The following KMT2C variants were observed in gnomAD, a reference collection of about 807,000 sequenced individuals.
The protein encoded by KMT2C is histone-lysine N-methyltransferase 2C.
Under a neutral mutation model 507.9 loss-of-function variants are expected in KMT2C, and 88 were observed. The observed-to-expected ratio is 0.17, with a 90% CI of 0.15 to 0.21. KMT2C has a LOEUF of 0.21. Ranked by LOEUF, KMT2C falls within the 10% of genes least tolerant of loss-of-function variation. The pLI is 1.00. For missense variants in KMT2C, 4,954 were observed against 5,957.8 expected, an observed-to-expected ratio of 0.83 and a Z score of 5.55; for synonymous variants, 2,049 against 2,080.8, an observed-to-expected ratio of 0.98 and a Z score of 0.42.
At chr7:152,367,275 C>T (rs2097255181) in intron 1 of KMT2C, 11 of 1,264,224 alleles carry the variant, frequency 8.7e-6, no homozygotes, top group Non-Finnish European at 1.2e-5. Flanking sequence ...ACATTCAAAG[C>T]AGCTGCCAAC....
At position 152,215,578 on chromosome 7, in the gene KMT2C, G is replaced by C. The variant is rs199730455; in HGVS notation, c.3712+4945C>G. Among the ~76,000 whole-genome samples the C allele has an allele frequency of 3.4e-4, 43 of 127,972 alleles. No individual in the cohort carries two copies. In the East Asian group the frequency reaches 9.3e-3, roughly 28 times the overall value. 84.0% of individuals were successfully genotyped at this position (127,972 alleles called of 152,430 possible). A position where few individuals can be genotyped will look rare whatever the true frequency, so the allele number is the denominator to read the frequency against. On this transcript the variant is annotated intron_variant, in intron 23 of 58. Coordinates refer to ENST00000262189, the MANE Select transcript of KMT2C (RefSeq NM_170606.3). ...CCCAAAGGTCTATCAACAGGGGAAAGAACAGGTAAGTTAAATTGCTTATAT... is the reference window on the plus strand; with the variant it reads ...CCCAAAGGTCTATCAACAGGGGAAACAACAGGTAAGTTAAATTGCTTATAT...
At chr7:152,276,892 A>G (rs1038572475) in intron 6 of KMT2C, among the ~76,000 whole-genome samples, 1 of 152,214 alleles carries the variant, frequency 6.6e-6, no homozygotes, top group African/African-American at 2.4e-5. Flanking sequence ...AGAAAAGGAA[A>G]AAAGTAACAT....
intron 2 of KMT2C, among the ~76,000 whole-genome samples, chr7:152,332,446 TTC>T (rs1248181957): frequency 1.3e-5 from 2 of 152,190 alleles, no homozygotes; most frequent in South Asian, 2.1e-4. Flanking sequence ...CAAGCGCCTC[TTC>T]TCTGTCTTTC....
Position 152,139,811 on chromosome 7 carries a change from T to C in KMT2C, c.14344-20A>G. 6.5e-7 allele frequency: 1 copy of C among 1,532,010 alleles called. No individual in the cohort carries two copies. The highest frequency in any genetic ancestry group is 9.0e-7 in the Non-Finnish European group (1 of 1,108,242). 94.9% of individuals were successfully genotyped at this position (1,532,010 alleles called of 1,614,324 possible). On this transcript the variant is annotated intron_variant, in intron 55 of 58. Transcript: ENST00000262189. ...CAGCCCCTAAAAAAAAGTGTGTACA[T>C]ACTTCCAATTTATGTGACAACAAGT...
intron 42 of KMT2C, among the ~76,000 whole-genome samples, chr7:152,166,092 C>A (rs1219642365): frequency 6.6e-6 from 1 of 151,120 alleles, no homozygotes; most frequent in Non-Finnish European, 1.5e-5. Flanking sequence ...AATGGAAGTG[C>A]TTCCTACAGT....
intron 55 of KMT2C, among the ~76,000 whole-genome samples, chr7:152,140,130 A>G (rs796294490): frequency 3.9e-5 from 6 of 152,328 alleles, no homozygotes; most frequent in African/African-American, 1.4e-4. Context: ...AAGCTTATTG[A>G]CTTGTGGTGT....
chr7:152,273,255 C>A (rs2096010898), intron 7 of KMT2C, among the ~76,000 whole-genome samples: 1 of 152,110 alleles, frequency 6.6e-6, no homozygotes, highest in African/African-American at 2.4e-5. Flanking sequence ...ATCAGGGAAA[C>A]ACAATTTCTA....
chr7:152,355,898 G>C (rs1589406342), intron 2 of KMT2C, among the ~76,000 whole-genome samples: 2 of 152,120 alleles, frequency 1.3e-5, no homozygotes, highest in Middle Eastern at 3.2e-3. Context: ...GAGGCTATTT[G>C]TGTTGAAAGG....
intron 4 of KMT2C, among the ~76,000 whole-genome samples, chr7:152,312,883 A>G (rs1482899184): frequency 6.6e-6 from 1 of 152,138 alleles, no homozygotes; most frequent in Non-Finnish European, 1.5e-5. Context: ...ATAGATCATA[A>G]CTCACTGCAC....
intron 3 of KMT2C, 134 bp from the exon 4 acceptor site, chr7:152,315,472 A>G (rs749236987): frequency 4.8e-6 from 3 of 625,634 alleles, no homozygotes; most frequent in South Asian, 2.1e-5. Flanking sequence ...TATTTTCTAC[A>G]GTCTATTCAG....
At chr7:152,434,946 C>A (rs987354557) in intron 1 of KMT2C, among the ~76,000 whole-genome samples, 23 of 152,092 alleles carry the variant, frequency 1.5e-4, no homozygotes, top group Non-Finnish European at 3.1e-4. Flanking sequence ...TTAGGCAGGC[C>A]GTTCCCCGAA....
intron 3 of KMT2C, among the ~76,000 whole-genome samples, chr7:152,324,294 G>A (rs1029985979): frequency 2.0e-5 from 3 of 147,136 alleles, no homozygotes; most frequent in South Asian, 2.4e-4. Context: ...GGCAAAAACC[G>A]CAATCACTTT....
At chr7:152,425,742 A>C (rs913091639) in intron 1 of KMT2C, among the ~76,000 whole-genome samples, 2 of 152,138 alleles carry the variant, frequency 1.3e-5, no homozygotes, top group Non-Finnish European at 2.9e-5. Context: ...AAGATCAGGA[A>C]ATCAAGGAAA....
rs2129089789 is a variant in KMT2C, at chr7:152,139,662, A to T, written c.14460+13T>A. ...TGGTGCTGTGTATACAATCTCGGGG[A>T]CCAGACACCTACCTGAGACTCATAA... On this transcript the variant is annotated intron_variant, in intron 56 of 58. Transcript: ENST00000262189. The T allele has an allele frequency of 6.4e-7, 1 of 1,553,544 alleles. No individual in the cohort carries two copies. Among genetic ancestry groups the T allele is most frequent in the South Asian group, 1.1e-5 (1 of 89,948 alleles).
At chr7:152,259,679 AG>A (rs1354772270) in intron 9 of KMT2C, among the ~76,000 whole-genome samples, 2 of 152,222 alleles carry the variant, frequency 1.3e-5, no homozygotes, top group African/African-American at 4.8e-5. Context: ...AATAGGAAAA[AG>A]AAACCTATCT....
chr7:152,348,962 T>C (rs2097087567), intron 2 of KMT2C, among the ~76,000 whole-genome samples: 1 of 152,180 alleles, frequency 6.6e-6, no homozygotes, highest in Admixed American at 6.5e-5. Context: ...GCTTGGTATT[T>C]ATCCAAATGA....
At chr7:152,207,959 GA>G (rs2094352438) in intron 23 of KMT2C, among the ~76,000 whole-genome samples, 1 of 152,072 alleles carries the variant, frequency 6.6e-6, no homozygotes, top group Non-Finnish European at 1.5e-5. Context: ...CTACAACCAA[GA>G]CTTCTCAATA....
chr7:152,291,653 T>A (rs1420266514), intron 6 of KMT2C, among the ~76,000 whole-genome samples: 1 of 152,194 alleles, frequency 6.6e-6, no homozygotes, highest in African/African-American at 2.4e-5. Flanking sequence ...AATTCTTCCA[T>A]CACTTCAAAC....
chr7:152,431,090 G>A (rs955972134), intron 1 of KMT2C, among the ~76,000 whole-genome samples: 4 of 152,058 alleles, frequency 2.6e-5, no homozygotes, highest in Non-Finnish European at 4.4e-5. Context: ...GAAATAGTAC[G>A]AAAATGTAAT....
Sources: gnomAD v4.1 joint callset for allele counts (sites outside exome capture counted in the v4.1 genomes callset) on GRCh38, gnomAD v4.1.1 for gene constraint, MANE v1.5 for transcripts, NCBI Gene and HGNC (gene_info 2026-07-23, HGNC 2026-07-21) for gene names.